Variants in CCAR1 observed in about 807,000 individuals in gnomAD.
CCAR1 encodes cell division cycle and apoptosis regulator protein 1.
In CCAR1, 78 loss-of-function variants were observed where a neutral mutation model predicts 163.8. That is an observed-to-expected ratio of 0.48 (90% CI 0.40 to 0.57). CCAR1 has a LOEUF of 0.57. CCAR1 is among the 20% of genes least tolerant of loss of function. CCAR1 has a pLI of 0.00. For missense variants in CCAR1, 1,019 were observed against 1,365.2 expected, an observed-to-expected ratio of 0.75 and a Z score of 4.00; for synonymous variants, 443 against 460.7, an observed-to-expected ratio of 0.96 and a Z score of 0.49.
chr10:68,752,883 AATAGATAGATAGATAGATAG>A (rs36140870), intron 10 of CCAR1, among the ~76,000 whole-genome samples: 1,457 of 142,406 alleles, frequency 0.01, 6 homozygotes, highest in East Asian at 0.039. Context: ...GATAGGATAG[AATAGATAGATAGATAGATAG>A]ATAGATAGAT....
At chr10:68,743,155 A>T (rs2056204828) in intron 6 of CCAR1, among the ~76,000 whole-genome samples, 1 of 149,934 alleles carries the variant, frequency 6.7e-6, no homozygotes. Context: ...GCTGGTCTTG[A>T]TAGGATAATC....
intron 10 of CCAR1, 89 bp from the exon 11 acceptor site, chr10:68,753,763 T>C: frequency 1.1e-6 from 1 of 934,882 alleles, no homozygotes; most frequent in South Asian, 1.6e-5. Context: ...TACTTTTTAC[T>C]ATATCCAGTT....
In CCAR1 at chr10:68,743,223, G is replaced by A. The variant is rs147452823; in HGVS notation, c.518+654G>A. ...TTCTTTTTTTTTTTTTTGAGACAGCGCCTCACTCTGTAACTCAGGCTGGAG... is the reference window on the plus strand; with the variant it reads ...TTCTTTTTTTTTTTTTTGAGACAGCACCTCACTCTGTAACTCAGGCTGGAG... On this transcript the variant is annotated intron_variant, in intron 6 of 24. Coordinates refer to ENST00000265872, the MANE Select transcript of CCAR1 (RefSeq NM_018237.4). Among the ~76,000 whole-genome samples the A allele has an allele frequency of 3.4e-3, 500 of 146,560 alleles. 8 individuals are homozygous for A. Among genetic ancestry groups the A allele is most frequent in the African/African-American group, 0.012 (482 of 39,564 alleles).
chr10:68,771,435 A>G lies in CCAR1; in HGVS notation c.2528A>G (p.Asp843Gly). 2 of 1,582,838 alleles carry G rather than the reference A, an allele frequency of 1.3e-6. No individual in the cohort carries two copies. The highest frequency in any genetic ancestry group is 1.2e-5 in the South Asian group (1 of 83,874). Residue 843 changes from aspartate (D) to glycine (G), a missense_variant, in exon 18 of 25, where the codon GAT (aspartate) becomes GGT (glycine). Transcript: ENST00000265872. ...GDDKDKKEDR[D>G]ERKKEDKRKD... ...GATAAAGATAAAAAAGAAGATAGAG[A>G]TGAAAGGAAGGTCTGTAATAACAAC...
In CCAR1 at chr10:68,771,363, A is replaced by G; in HGVS notation, c.2456A>G (p.Asp819Gly). Residue 819 changes from aspartate (D) to glycine (G), a missense_variant, in exon 18 of 25, where the codon GAT (aspartate) becomes GGT (glycine). This residue lies in a region of CCAR1 where 358 missense variants were observed against 406.4 expected (regional missense o/e 0.88). Transcript: ENST00000265872. ...AGAAAAGATAAAAAAGAAGAAAGAG[A>G]TGATGAAACTGATGAACCAAAACCC... is the stretch of plus-strand genomic sequence containing the variant. ...DERKDKKEER[D>G]DETDEPKPKR... is the part of the protein sequence containing the mutation. The G allele has an allele frequency of 6.2e-7, 1 of 1,600,454 alleles. No homozygotes were observed. Among genetic ancestry groups the G allele is most frequent in the Non-Finnish European group, 8.5e-7 (1 of 1,171,962 alleles).
intron 13 of CCAR1, 136 bp downstream of exon 13, chr10:68,755,672 T>A (rs1466432108): frequency 3.3e-6 from 2 of 613,280 alleles, no homozygotes; most frequent in Non-Finnish European, 5.3e-6. Context: ...AAAATCCCCA[T>A]TTGTAGCTAA....
chr10:68,786,255 A>G (rs775969234), intron 20 of CCAR1, 37 bp downstream of exon 20: 11 of 1,321,602 alleles, frequency 8.3e-6, no homozygotes, highest in Non-Finnish European at 1.2e-5. Flanking sequence ...TAATATGGTG[A>G]TATCTTACAT....
At chr10:68,731,243 T>G (rs1435938568) in intron 2 of CCAR1, among the ~76,000 whole-genome samples, 6 of 152,338 alleles carry the variant, frequency 3.9e-5, no homozygotes, top group African/African-American at 1.4e-4. Flanking sequence ...CTTTGTACTT[T>G]GCAGATTACA....
At chr10:68,781,921 T>A (rs1397313595) in intron 19 of CCAR1, among the ~76,000 whole-genome samples, 3 of 151,924 alleles carry the variant, frequency 2.0e-5, no homozygotes, top group Admixed American at 1.3e-4. Flanking sequence ...AACCTAAAAA[T>A]CGTTAAAGTG....
intron 10 of CCAR1, among the ~76,000 whole-genome samples, chr10:68,752,913 TAG>T (rs1212195022): frequency 8.2e-4 from 124 of 151,902 alleles, no homozygotes; most frequent in Non-Finnish European, 1.5e-3. Context: ...GATAGATAGA[TAG>T]ATAGATAGAT....
intron 19 of CCAR1, chr10:68,774,936 G>GTTTT: frequency 6.4e-6 from 2 of 312,188 alleles, no homozygotes; most frequent in East Asian, 1.1e-4. Flanking sequence ...AGTTCTTTTT[G>GTTTT]TTTTTTTTTT....
chr10:68,741,453 A>G (rs888339982), intron 5 of CCAR1, among the ~76,000 whole-genome samples: 1 of 152,084 alleles, frequency 6.6e-6, no homozygotes, highest in Non-Finnish European at 1.5e-5. Context: ...TATTTTTACA[A>G]CCTTTTGAAA....
intron 19 of CCAR1, among the ~76,000 whole-genome samples, chr10:68,778,924 C>T (rs879276448): frequency 2.0e-5 from 3 of 152,232 alleles, no homozygotes; most frequent in African/African-American, 4.8e-5. Flanking sequence ...GATCTCAGCT[C>T]ACTCCAACCT....
intron 6 of CCAR1, among the ~76,000 whole-genome samples, chr10:68,743,559 T>A (rs1450997831): frequency 6.6e-6 from 1 of 151,812 alleles, no homozygotes; most frequent in Non-Finnish European, 1.5e-5. Flanking sequence ...CTTTTTTCTT[T>A]TTTCAGACAG....
intron 15 of CCAR1, among the ~76,000 whole-genome samples, chr10:68,757,763 T>C (rs1477684253): frequency 3.3e-5 from 5 of 151,964 alleles, no homozygotes; most frequent in African/African-American, 1.2e-4. Context: ...TATAAATCAG[T>C]ACAGCCAATA....
chr10:68,775,787 C>T (rs2056659708), intron 19 of CCAR1, among the ~76,000 whole-genome samples: 1 of 146,150 alleles, frequency 6.8e-6, no homozygotes, highest in South Asian at 2.2e-4. Context: ...ACCTCTGTCT[C>T]CCAGTTTCAA....
chr10:68,763,377 T>C (rs2133382193), intron 16 of CCAR1, among the ~76,000 whole-genome samples: 1 of 151,876 alleles, frequency 6.6e-6, no homozygotes, highest in South Asian at 2.1e-4. Flanking sequence ...TCTCAATCTC[T>C]TGACCTCGTG....
intron 19 of CCAR1, among the ~76,000 whole-genome samples, chr10:68,774,536 C>A (rs1032109928): frequency 6.6e-6 from 1 of 151,152 alleles, no homozygotes; most frequent in Non-Finnish European, 1.5e-5. Flanking sequence ...GAGGCTGAGG[C>A]GGGAGAATGG....
At chr10:68,731,247 G>A (rs533403229) in intron 2 of CCAR1, among the ~76,000 whole-genome samples, 1 of 152,184 alleles carries the variant, frequency 6.6e-6, no homozygotes, top group Admixed American at 6.6e-5. Flanking sequence ...GTACTTTGCA[G>A]ATTACAGAAT....
Sources: gnomAD v4.1 joint callset for allele counts (sites outside exome capture counted in the v4.1 genomes callset) on GRCh38, gnomAD v4.1.1 for gene constraint, gnomAD v4.1.1 regional missense constraint, MANE v1.5 for transcripts, NCBI Gene and HGNC (gene_info 2026-07-23, HGNC 2026-07-21) for gene names.